The following WDPCP variants were observed in gnomAD, a reference collection of about 807,000 sequenced individuals.
WDPCP encodes the protein WD repeat containing planar cell polarity effector, also known as WD repeat-containing and planar cell polarity effector protein fritz homolog.
A neutral mutation model predicts 93.1 loss-of-function variants in WDPCP; 71 were observed. The observed-to-expected ratio is 0.76, with a 90% CI of 0.63 to 0.93. The LOEUF (loss-of-function observed/expected upper bound fraction) is 0.93, where lower values mean the gene tolerates loss of function less well. Among genes scored for constraint, WDPCP ranks in the 40% least tolerant of loss-of-function variants. The pLI, the probability that WDPCP is intolerant of heterozygous loss-of-function variation, is 0.00. For missense variants in WDPCP, 844 were observed against 887.4 expected, an observed-to-expected ratio of 0.95 and a Z score of 0.62; for synonymous variants, 315 against 315.0, an observed-to-expected ratio of 1.00 and a Z score of 0.00.
At chr2:63,769,656 C>A (rs1468169215) in intron 2 of WDPCP, among the ~76,000 whole-genome samples, 1 of 151,842 alleles carries the variant, frequency 6.6e-6, no homozygotes, top group Non-Finnish European at 1.5e-5. Flanking sequence ...CAAGCAAGAA[C>A]TACTCTGAGT....
At chr2:63,709,454 A>G (rs1177336390) in intron 2 of WDPCP, among the ~76,000 whole-genome samples, 3 of 152,152 alleles carry the variant, frequency 2.0e-5, no homozygotes, top group African/African-American at 7.2e-5. Context: ...ATATCTAGTC[A>G]TGGGTGGTAT....
intron 2 of WDPCP, among the ~76,000 whole-genome samples, chr2:63,754,136 T>C (rs954652156): frequency 1.3e-5 from 2 of 152,224 alleles, no homozygotes; most frequent in Non-Finnish European, 2.9e-5. Flanking sequence ...TGGACTTTTA[T>C]GCCATCATGT....
intron 2 of WDPCP, among the ~76,000 whole-genome samples, chr2:63,673,070 A>T (rs961563118): frequency 1.3e-5 from 2 of 152,112 alleles, no homozygotes; most frequent in Admixed American, 6.6e-5. Flanking sequence ...ACCATTTTAA[A>T]CTATGCACTT....
chr2:63,325,016 C>A (rs1687424256), intron 12 of WDPCP, among the ~76,000 whole-genome samples: 1 of 152,156 alleles, frequency 6.6e-6, no homozygotes, highest in African/African-American at 2.4e-5. Flanking sequence ...CAATCAGCTG[C>A]AGATATCAGG....
At chr2:63,710,741 T>C (rs1351165735) in intron 2 of WDPCP, among the ~76,000 whole-genome samples, 1 of 152,184 alleles carries the variant, frequency 6.6e-6, no homozygotes, top group Non-Finnish European at 1.5e-5. Flanking sequence ...AATGGTTGGG[T>C]GGAAGTAGGC....
chr2:63,141,040 C>T (rs890780322), intron 17 of WDPCP, among the ~76,000 whole-genome samples: 33 of 151,138 alleles, frequency 2.2e-4, no homozygotes, highest in African/African-American at 6.1e-4. Flanking sequence ...TGGATTTTGT[C>T]GAATGCTTTT....
intron 14 of WDPCP, among the ~76,000 whole-genome samples, chr2:63,226,324 T>G (rs1678286269): frequency 6.6e-6 from 1 of 151,912 alleles, no homozygotes; most frequent in African/African-American, 2.4e-5. Context: ...TTTCCTTTTT[T>G]TGAGTAAAAG....
At chr2:63,393,559 A>C (rs1372739583) in intron 10 of WDPCP, among the ~76,000 whole-genome samples, 1 of 152,040 alleles carries the variant, frequency 6.6e-6, no homozygotes, top group African/African-American at 2.4e-5. Context: ...AAGGGGAAAA[A>C]AAAGAAAAAC....
chr2:63,396,146 A>G (rs996226297), intron 10 of WDPCP, among the ~76,000 whole-genome samples: 15 of 152,328 alleles, frequency 9.8e-5, no homozygotes, highest in Admixed American at 3.3e-4. Context: ...TCTAGAATAA[A>G]AGTTCATTTT....
At chr2:63,599,511 C>T (rs570985460) in intron 3 of WDPCP, 4 of 346,088 alleles carry the variant, frequency 1.2e-5, no homozygotes, top group East Asian at 6.0e-5. Flanking sequence ...TACTTGATTT[C>T]GTCTTTAACT....
intron 2 of WDPCP, among the ~76,000 whole-genome samples, chr2:63,720,958 T>C (rs546585832): frequency 3.9e-5 from 6 of 152,372 alleles, no homozygotes; most frequent in African/African-American, 1.2e-4. Context: ...ACCTGACAGA[T>C]AGTCATTAAC....
chr2:63,346,741 T>A (rs919398763), intron 12 of WDPCP, among the ~76,000 whole-genome samples: 18 of 152,158 alleles, frequency 1.2e-4, no homozygotes, highest in Non-Finnish European at 1.5e-4. Flanking sequence ...TACACAAACC[T>A]GCAAATTCAA....
intron 1 of WDPCP, among the ~76,000 whole-genome samples, chr2:63,575,369 A>AC (rs1275811879): frequency 1.7e-5 from 2 of 118,144 alleles, no homozygotes; most frequent in South Asian, 2.7e-4. Context: ...CAGTATATAC[A>AC]GTATATACAG....
At chr2:63,457,471 T>C (rs1052273430) in intron 6 of WDPCP, among the ~76,000 whole-genome samples, 5 of 152,196 alleles carry the variant, frequency 3.3e-5, no homozygotes, top group Admixed American at 6.5e-5. Context: ...AGCATTACCA[T>C]GATACCGAAA....
intron 2 of WDPCP, among the ~76,000 whole-genome samples, chr2:63,708,955 T>A (rs1011391536): frequency 2.1e-5 from 3 of 142,034 alleles, no homozygotes; most frequent in African/African-American, 7.7e-5. Context: ...GGCCGGGCAC[T>A]CACGCCTGTA....
chr2:63,588,598 G>A (rs1310821958), upstream of WDPCP: 2 of 519,532 alleles, frequency 3.8e-6, no homozygotes, highest in South Asian at 4.2e-5. Context: ...GGAGGATGCA[G>A]TCTCAGTCAC....
intron 9 of WDPCP, among the ~76,000 whole-genome samples, chr2:63,429,913 T>G (rs1696604110): frequency 6.7e-6 from 1 of 150,200 alleles, no homozygotes; most frequent in Admixed American, 6.7e-5. Flanking sequence ...CTATTCACAA[T>G]AGCAAAAACA....
intron 2 of WDPCP, chr2:63,751,569 T>G (rs1180964683): frequency 2.2e-5 from 9 of 410,396 alleles, no homozygotes; most frequent in Non-Finnish European, 2.3e-5. Flanking sequence ...GTCTTTTTTT[T>G]TATAGCAGCT....
intron 14 of WDPCP, among the ~76,000 whole-genome samples, chr2:63,253,993 A>G (rs946891661): frequency 6.6e-6 from 1 of 152,166 alleles, no homozygotes; most frequent in African/African-American, 2.4e-5. Flanking sequence ...GAACCCATCA[A>G]TGATGGATTG....
Sources: allele counts gnomAD v4.1 joint callset (sites outside exome capture counted in the v4.1 genomes callset), GRCh38; gene constraint gnomAD v4.1.1; transcripts MANE v1.5; gene names NCBI Gene and HGNC (gene_info 2026-07-23, HGNC 2026-07-21).